The following STXBP6 variants were observed in gnomAD, a reference collection of about 807,000 sequenced individuals.
The protein encoded by STXBP6 is syntaxin-binding protein 6.
STXBP6 carries 21 observed loss-of-function variants against 26.9 expected under a neutral mutation model. The observed-to-expected ratio is 0.78, with a 90% confidence interval of 0.55 to 1.12. The LOEUF (loss-of-function observed/expected upper bound fraction) is 1.12, where lower values mean the gene tolerates loss of function less well. Ranked by LOEUF, STXBP6 falls within the 50% of genes most tolerant of loss-of-function variation. The pLI is 0.00. For synonymous variants in STXBP6, 97 were observed against 92.6 expected, an observed-to-expected ratio of 1.05 and a Z score of -0.27; for missense variants, 232 against 257.9, an observed-to-expected ratio of 0.90 and a Z score of 0.69.
intron 2 of STXBP6, among the ~76,000 whole-genome samples, chr14:24,882,114 T>A (rs1338993905): frequency 6.6e-6 from 1 of 151,920 alleles, no homozygotes; most frequent in Non-Finnish European, 1.5e-5. Flanking sequence ...GCGCGGTGGC[T>A]CACGCCTGTA....
intron 4 of STXBP6, among the ~76,000 whole-genome samples, chr14:24,838,241 G>C (rs1027111325): frequency 1.3e-5 from 2 of 152,092 alleles, no homozygotes; most frequent in Non-Finnish European, 2.9e-5. Flanking sequence ...GAATTCCTGG[G>C]CTCAAGCAAT....
chr14:24,875,209 G>A (rs1248288748), intron 2 of STXBP6, among the ~76,000 whole-genome samples: 1 of 151,956 alleles, frequency 6.6e-6, no homozygotes, highest in Non-Finnish European at 1.5e-5. Context: ...TTCCTATCTG[G>A]GTCTCAAAAA....
rs540900063 is a variant in STXBP6, at chr14:24,858,735, T to C, written c.155-1578A>G. Among the ~76,000 whole-genome samples, 20 of 152,242 alleles carry C rather than the reference T, an allele frequency of 1.3e-4. No homozygotes were observed. In the East Asian group the frequency reaches 3.9e-3, roughly 29 times the overall value. ...CCTATGACACAAATGGGAGACCTAA[T>C]AGGTTTCTCTGATGGCTGTGACCTG... On this transcript the variant is annotated intron_variant, in intron 2 of 5. Coordinates refer to ENST00000323944, the MANE Select transcript of STXBP6 (RefSeq NM_001394410.1).
intron 2 of STXBP6, among the ~76,000 whole-genome samples, chr14:24,927,935 C>T (rs1305596209): frequency 2.6e-5 from 4 of 152,032 alleles, no homozygotes; most frequent in African/African-American, 7.3e-5. Flanking sequence ...TCTTAGTTTA[C>T]CACACAGACA....
At chr14:24,845,665 G>C (rs549466931) in intron 4 of STXBP6, among the ~76,000 whole-genome samples, 167 of 152,292 alleles carry the variant, frequency 1.1e-3, no homozygotes, top group African/African-American at 3.9e-3. Context: ...TTAAGAAAAT[G>C]GTGTGGTAGG....
chr14:24,835,505 T>C (rs977601346), intron 4 of STXBP6, among the ~76,000 whole-genome samples: 1 of 152,204 alleles, frequency 6.6e-6, no homozygotes, highest in Admixed American at 6.5e-5. Context: ...TGGAATTTCA[T>C]ACATGTATCC....
At chr14:24,858,058 A>G (rs2069401892) in intron 2 of STXBP6, among the ~76,000 whole-genome samples, 1 of 152,164 alleles carries the variant, frequency 6.6e-6, no homozygotes, top group Non-Finnish European at 1.5e-5. Flanking sequence ...ATTATTGGCT[A>G]TATTGAAGAT....
At chr14:24,883,155 C>T (rs2070436044) in intron 2 of STXBP6, among the ~76,000 whole-genome samples, 1 of 152,140 alleles carries the variant, frequency 6.6e-6, no homozygotes, top group Non-Finnish European at 1.5e-5. Flanking sequence ...GAATATGTCT[C>T]ATAACTACAA....
At chr14:24,980,955 G>A (rs2074175047) in intron 1 of STXBP6, among the ~76,000 whole-genome samples, 1 of 152,166 alleles carries the variant, frequency 6.6e-6, no homozygotes, top group Non-Finnish European at 1.5e-5. Flanking sequence ...GGGGATCTGG[G>A]GCTAGGGCCT....
chr14:25,026,115 A>G lies in STXBP6; in HGVS notation c.-33+23763T>C, dbSNP rs188074333. ...CTGCTATTATAGCACCTTGCACATTATAATGGAGCACTGAACTTCTGTAGG... is the reference window on the plus strand; with the variant it reads ...CTGCTATTATAGCACCTTGCACATTGTAATGGAGCACTGAACTTCTGTAGG... On this transcript the variant is annotated intron_variant, in intron 1 of 5. Coordinates refer to ENST00000323944, the MANE Select transcript of STXBP6 (RefSeq NM_001394410.1). 2.6e-5 allele frequency among the ~76,000 whole-genome samples: 4 copies of G among 152,284 alleles called. No homozygotes were observed. In the East Asian group the frequency reaches 7.7e-4, roughly 29 times the overall value.
intron 1 of STXBP6, among the ~76,000 whole-genome samples, chr14:25,025,587 T>C (rs1299591622): frequency 6.6e-6 from 1 of 152,216 alleles, no homozygotes; most frequent in East Asian, 1.9e-4. Flanking sequence ...CCAGTGTTGC[T>C]AGATATGACT....
intron 1 of STXBP6, among the ~76,000 whole-genome samples, chr14:25,005,602 C>A (rs1595299756): frequency 6.6e-6 from 1 of 152,104 alleles, no homozygotes; most frequent in African/African-American, 2.4e-5. Context: ...CACGTGCACA[C>A]AGAATGCTTA....
chr14:24,839,414 G>A (rs895759979), intron 4 of STXBP6, among the ~76,000 whole-genome samples: 1 of 152,094 alleles, frequency 6.6e-6, no homozygotes, highest in South Asian at 2.1e-4. Flanking sequence ...AAGCAAAAGA[G>A]AATTTGGTTC....
chr14:25,049,185 G>A lies in STXBP6; in HGVS notation c.-33+693C>T, dbSNP rs1595370518. 2 of 985,382 alleles carry A rather than the reference G, an allele frequency of 2.0e-6. No homozygotes were observed. Among genetic ancestry groups the A allele is most frequent in the African/African-American group, 1.7e-5 (1 of 57,246 alleles). 61.0% of individuals were successfully genotyped at this position (985,382 alleles called of 1,614,324 possible). A position where few individuals can be genotyped will look rare whatever the true frequency, so the allele number is the denominator to read the frequency against. Reference sequence around the variant, plus strand: ...GTGTTGTAAACCTGAGGAAAGGTTGGAGGGAAAATCAAGCCACCCACCTAC... The same window carrying A: ...GTGTTGTAAACCTGAGGAAAGGTTGAAGGGAAAATCAAGCCACCCACCTAC... On this transcript the variant is annotated intron_variant, in intron 1 of 5. Coordinates refer to ENST00000323944, the MANE Select transcript of STXBP6 (RefSeq NM_001394410.1). This position sits in a 1 kb window ranked among gnomAD's most constrained non-coding sequence, Gnocchi z 5.6.
intron 1 of STXBP6, among the ~76,000 whole-genome samples, chr14:24,975,717 T>G (rs114874048): frequency 1.3e-3 from 204 of 152,252 alleles, no homozygotes; most frequent in African/African-American, 4.9e-3. Context: ...ATAGCCCCCA[T>G]GTTATATTTA....
chr14:24,994,690 C>T (rs61978838), intron 1 of STXBP6, among the ~76,000 whole-genome samples: 5,696 of 152,252 alleles, frequency 0.037, 149 homozygotes, highest in South Asian at 0.081. Context: ...AGGCAGGTGG[C>T]TTACTCCATT....
chr14:24,934,065 A>G (rs538973586), intron 2 of STXBP6, among the ~76,000 whole-genome samples: 1 of 152,300 alleles, frequency 6.6e-6, no homozygotes, highest in African/African-American at 2.4e-5. Context: ...GAAGATAGCA[A>G]TGGAATTCAA....
At chr14:25,005,234 C>A (rs1044248992) in intron 1 of STXBP6, among the ~76,000 whole-genome samples, 1 of 152,056 alleles carries the variant, frequency 6.6e-6, no homozygotes, top group African/African-American at 2.4e-5. Context: ...ATAAAATGGA[C>A]AATAACAATA....
rs1450919540 is a variant in STXBP6, at chr14:24,809,892, CACA to C, written c.*2814_*2816del. On this transcript the variant is annotated 3_prime_UTR_variant, in exon 6 of 6. Coordinates refer to ENST00000323944, the MANE Select transcript of STXBP6 (RefSeq NM_001394410.1). ...TCCTGTAAATAATTTTAAATAGATG[CACA>C]ACCTTTGCTAGCCACAAAAGTAGTA... 6 of 152,212 alleles carry C rather than the reference CACA, an allele frequency of 3.9e-5. No individual in the cohort carries two copies. Among genetic ancestry groups the C allele is most frequent in the African/African-American group, 1.2e-4 (5 of 41,554 alleles). The allele number at this position is 152,212 out of a possible 1,614,324, so 9.4% of individuals were successfully genotyped here.
Sources: gnomAD v4.1 joint callset for allele counts (sites outside exome capture counted in the v4.1 genomes callset) on GRCh38, gnomAD v4.1.1 for gene constraint, Gnocchi (gnomAD v3.1) non-coding constraint, MANE v1.5 for transcripts, NCBI Gene and HGNC (gene_info 2026-07-23, HGNC 2026-07-21) for gene names.